PKP4: variants seen among roughly 807,000 people sequenced by gnomAD.
PKP4 encodes plakophilin 4.
Under a neutral mutation model 145.1 loss-of-function variants are expected in PKP4, and 90 were observed. The ratio of observed to expected loss-of-function variants is 0.62; its 90% CI spans 0.52 to 0.74. The LOEUF is 0.74. PKP4 is among the 30% of genes least tolerant of loss of function. PKP4 has a pLI of 0.00. For missense variants in PKP4, 1,340 were observed against 1,482.7 expected, an observed-to-expected ratio of 0.90 and a Z score of 1.58; for synonymous variants, 563 against 577.2, an observed-to-expected ratio of 0.98 and a Z score of 0.35.
At chr2:158,485,012 T>C (rs1399758049) in intron 1 of PKP4, among the ~76,000 whole-genome samples, 2 of 152,142 alleles carry the variant, frequency 1.3e-5, no homozygotes, top group African/African-American at 4.8e-5. Context: ...GCCAGATCTT[T>C]AAAAAGAAAA....
At chr2:158,616,296 T>G (rs1267886436) in intron 4 of PKP4, among the ~76,000 whole-genome samples, 3 of 152,140 alleles carry the variant, frequency 2.0e-5, no homozygotes, top group African/African-American at 7.2e-5. Context: ...GGAGAAATCT[T>G]TTTGGTGCCA....
rs762170523 is a variant in PKP4, at chr2:158,661,361, C to T, written c.2122C>T (p.Arg708Trp). ...RNLSSAGEEARKQMRSCEGLV... is the reference protein window; with the variant it reads ...RNLSSAGEEAWKQMRSCEGLV... ...CCTCAGCTCCGCGGGGGAAGAAGCT[C>T]GGAAGCAAATGCGGTCCTGCGAGGG... The change falls in exon 13 of 22, where the codon CGG becomes TGG. Residue 708 changes from arginine (R) to tryptophan (W), a missense_variant. By Grantham distance (101) the Arg-to-Trp change is moderately radical. Coordinates refer to ENST00000389759, the MANE Select transcript of PKP4 (RefSeq NM_003628.6). 1 of 1,613,778 alleles carries T rather than the reference C, an allele frequency of 6.2e-7. No individual in the cohort carries two copies.
intron 1 of PKP4, among the ~76,000 whole-genome samples, chr2:158,530,753 A>G (rs183196166): frequency 2.6e-3 from 390 of 152,140 alleles, no homozygotes; most frequent in Non-Finnish European, 4.7e-3. Flanking sequence ...TCTCACCCTT[A>G]GTAACGACAG....
In PKP4 at chr2:158,533,192, C is replaced by A. The variant is rs1321703343; in HGVS notation, c.8C>A (p.Ala3Asp). The change falls in exon 2 of 22, where the codon GCT (alanine) becomes GAT (aspartate). Residue 3 changes from alanine to aspartate, a missense_variant. By Grantham distance (126) the Ala-to-Asp change is moderately radical (BLOSUM62 -2). Coordinates refer to ENST00000389759, the MANE Select transcript of PKP4 (RefSeq NM_003628.6). Reference protein sequence around the residue: MPAPEQASLVEEG... With the variant: MPDPEQASLVEEG... ...TGCTTGATTGCAGGAGGAATGCCAG[C>A]TCCTGAGCAGGCCTCATTGGTGGAG... The A allele has an allele frequency of 1.9e-6, 3 of 1,611,938 alleles. No homozygotes were observed. In the East Asian group the frequency reaches 6.7e-5, roughly 36 times the overall value.
intron 16 of PKP4, among the ~76,000 whole-genome samples, chr2:158,666,950 A>C (rs2057144783): frequency 6.6e-6 from 1 of 152,230 alleles, no homozygotes; most frequent in African/African-American, 2.4e-5. Context: ...TAAATAAAAA[A>C]TCACATGAAT....
chr2:158,496,610 T>A (rs536649567), intron 1 of PKP4, among the ~76,000 whole-genome samples: 1 of 152,236 alleles, frequency 6.6e-6, no homozygotes, highest in Non-Finnish European at 1.5e-5. Flanking sequence ...ACCAGAATCT[T>A]GTCTTTTGTC....
intron 2 of PKP4, among the ~76,000 whole-genome samples, chr2:158,566,048 A>G (rs1231903803): frequency 2.0e-5 from 3 of 152,218 alleles, no homozygotes; most frequent in Non-Finnish European, 4.4e-5. Flanking sequence ...CCACACACAC[A>G]TTAAGCCACA....
chr2:158,679,428 A>G (rs2058283514), intron 21 of PKP4: 1 of 152,190 alleles, frequency 6.6e-6, no homozygotes, highest in Non-Finnish European at 1.5e-5. Flanking sequence ...AGTTATTCAT[A>G]ATTTATGCTA....
chr2:158,554,099 T>C (rs561619380), intron 2 of PKP4, among the ~76,000 whole-genome samples: 14 of 150,448 alleles, frequency 9.3e-5, no homozygotes, highest in African/African-American at 3.4e-4. Flanking sequence ...TGCCCCCCGG[T>C]TGTTGCCTGC....
chr2:158,538,395 T>A (rs1224300164), intron 2 of PKP4, among the ~76,000 whole-genome samples: 3 of 152,230 alleles, frequency 2.0e-5, no homozygotes, highest in African/African-American at 7.2e-5. Flanking sequence ...CTTTCACAAG[T>A]ATCTTTGCAA....
chr2:158,508,775 C>T (rs11686686), intron 1 of PKP4, among the ~76,000 whole-genome samples: 29,918 of 152,114 alleles, frequency 0.2, 3,783 homozygotes, highest in Middle Eastern at 0.34. Flanking sequence ...ACTGTTGACA[C>T]AGGCTTTATA....
At chr2:158,614,702 A>T (rs2051429390) in intron 4 of PKP4, among the ~76,000 whole-genome samples, 1 of 152,342 alleles carries the variant, frequency 6.6e-6, no homozygotes, top group South Asian at 2.1e-4. Context: ...CCAAAAGCAC[A>T]TTATATGAAA....
chr2:158,521,852 T>A (rs1463516137), intron 1 of PKP4, among the ~76,000 whole-genome samples: 1 of 152,246 alleles, frequency 6.6e-6, no homozygotes. Flanking sequence ...TTCTACTTAT[T>A]ATTGTTAAAA....
At chr2:158,543,774 C>T (rs1559300737) in intron 2 of PKP4, among the ~76,000 whole-genome samples, 2 of 152,086 alleles carry the variant, frequency 1.3e-5, no homozygotes, top group East Asian at 1.9e-4. Context: ...ATTAAAAGGT[C>T]GTAACTCCCT....
intron 1 of PKP4, among the ~76,000 whole-genome samples, chr2:158,475,007 T>G (rs1692224307): frequency 6.6e-6 from 1 of 152,190 alleles, no homozygotes; most frequent in South Asian, 2.1e-4. Context: ...AGTCCAACCT[T>G]GGAGATGCCT....
intron 2 of PKP4, chr2:158,549,076 TG>T: frequency 5.3e-6 from 1 of 187,800 alleles, no homozygotes; most frequent in Non-Finnish European, 1.2e-5. Context: ...TTCGGTTAGC[TG>T]GTGGAAACTA....
intron 3 of PKP4, chr2:158,588,095 A>T (rs2048957129): frequency 6.6e-6 from 1 of 152,126 alleles, no homozygotes; most frequent in Admixed American, 6.5e-5. Flanking sequence ...TCCATTGTTG[A>T]AGTTTTACAA....
intron 4 of PKP4, among the ~76,000 whole-genome samples, chr2:158,610,220 T>C (rs189466619): frequency 5.3e-4 from 80 of 152,296 alleles, no homozygotes; most frequent in Middle Eastern, 3.4e-3. Flanking sequence ...TGTATTCTGC[T>C]GAAACATTTC....
chr2:158,475,451 ATTG>A (rs1243910327), intron 1 of PKP4, among the ~76,000 whole-genome samples: 1 of 152,068 alleles, frequency 6.6e-6, no homozygotes, highest in African/African-American at 2.4e-5. Flanking sequence ...TTACTTTCTT[ATTG>A]TTCTCAGTAG....
Sources: allele counts gnomAD v4.1 joint callset (sites outside exome capture counted in the v4.1 genomes callset), GRCh38; gene constraint gnomAD v4.1.1; transcripts MANE v1.5; gene names NCBI Gene and HGNC (gene_info 2026-07-23, HGNC 2026-07-21).